The following GALNT13 variants were observed in gnomAD, a reference collection of about 807,000 sequenced individuals.
GALNT13 encodes the protein UDP-GalNAc:polypeptide N-acetylgalactosaminyltransferase 13.
In GALNT13, 28 loss-of-function variants were observed where a neutral mutation model predicts 64.2. The ratio of observed to expected loss-of-function variants is 0.44; its 90% CI spans 0.32 to 0.60. The LOEUF is 0.60. GALNT13 is among the 20% of genes least tolerant of loss of function. The pLI, the probability that GALNT13 is intolerant of heterozygous loss-of-function variation, is 0.05. For synonymous variants in GALNT13, 214 were observed against 224.6 expected, an observed-to-expected ratio of 0.95 and a Z score of 0.42; for missense variants, 577 against 669.8, an observed-to-expected ratio of 0.86 and a Z score of 1.53.
the GALNT13 span, among the ~76,000 whole-genome samples, chr2:153,491,377 T>G: frequency 6.6e-6 from 1 of 152,054 alleles, no homozygotes. Context: ...ATAAAATACT[T>G]AATAGTAAAG....
At chr2:153,127,162 G>A in the GALNT13 span, among the ~76,000 whole-genome samples, 1 of 151,012 alleles carries the variant, frequency 6.6e-6, no homozygotes, top group African/African-American at 2.4e-5. Context: ...ATTTTTTTTT[G>A]TCTTTGCTGG....
chr2:153,087,159 A>G, the GALNT13 span, among the ~76,000 whole-genome samples: 1 of 152,048 alleles, frequency 6.6e-6, no homozygotes, highest in East Asian at 1.9e-4. Flanking sequence ...TGTTTTTTCT[A>G]TGCCAATATT....
chr2:153,753,978 G>T, the GALNT13 span, among the ~76,000 whole-genome samples: 19 of 152,274 alleles, frequency 1.2e-4, no homozygotes, highest in East Asian at 3.7e-3. Flanking sequence ...GAGGAGCCTC[G>T]CCTCATGGCC....
the GALNT13 span, among the ~76,000 whole-genome samples, chr2:153,641,755 GAAAAT>G: frequency 6.6e-6 from 1 of 151,802 alleles, no homozygotes; most frequent in Non-Finnish European, 1.5e-5. Context: ...TTTTCTTTAA[GAAAAT>G]AAAATATTTT....
chr2:153,399,484 G>T, the GALNT13 span, among the ~76,000 whole-genome samples: 2 of 152,034 alleles, frequency 1.3e-5, no homozygotes, highest in African/African-American at 2.4e-5. Flanking sequence ...GCTTGATGGG[G>T]ATGGCATTGA....
the GALNT13 span, among the ~76,000 whole-genome samples, chr2:153,570,059 C>G: frequency 1.3e-5 from 2 of 152,164 alleles, no homozygotes; most frequent in Non-Finnish European, 2.9e-5. Flanking sequence ...TACATTCTTA[C>G]CAACAGTGTG....
chr2:153,857,962 A>C, the GALNT13 span, among the ~76,000 whole-genome samples: 5 of 152,184 alleles, frequency 3.3e-5, no homozygotes, highest in Admixed American at 2.0e-4. Context: ...AAATACATGA[A>C]GATCTATTAT....
chr2:153,619,870 C>A, the GALNT13 span, among the ~76,000 whole-genome samples: 1 of 151,978 alleles, frequency 6.6e-6, no homozygotes, highest in Non-Finnish European at 1.5e-5. Context: ...CTTTTACAAT[C>A]CTTTTTTAAA....
chr2:153,238,884 C>T, the GALNT13 span, among the ~76,000 whole-genome samples: 1 of 152,000 alleles, frequency 6.6e-6, no homozygotes, highest in Non-Finnish European at 1.5e-5. Context: ...TGAAGAATTT[C>T]ATTGGTATTT....
intron 3 of GALNT13, among the ~76,000 whole-genome samples, chr2:154,068,542 G>C (rs1248608269): frequency 1.3e-5 from 2 of 151,658 alleles, no homozygotes; most frequent in Non-Finnish European, 2.9e-5. Context: ...ATAAAAAAAA[G>C]AGTGAGATCC....
chr2:154,352,029 T>G (rs1173086741), intron 9 of GALNT13, among the ~76,000 whole-genome samples: 1 of 152,192 alleles, frequency 6.6e-6, no homozygotes, highest in Admixed American at 6.5e-5. Flanking sequence ...TCATTCATAC[T>G]TTTTCAGTGT....
intron 6 of GALNT13, 119 bp downstream of exon 6, chr2:154,243,024 T>G (rs12477393): frequency 0.23 from 171,673 of 753,020 alleles, 22,420 homozygotes; most frequent in Admixed American, 0.37. Flanking sequence ...TTTATAGCTT[T>G]TCTTAAAAGC....
chr2:153,773,712 A>G, the GALNT13 span, among the ~76,000 whole-genome samples: 1 of 152,184 alleles, frequency 6.6e-6, no homozygotes, highest in African/African-American at 2.4e-5. Context: ...TTTAATAAGA[A>G]TATCTGATAT....
intron 7 of GALNT13, among the ~76,000 whole-genome samples, chr2:154,257,307 T>A (rs2105898594): frequency 6.6e-6 from 1 of 152,260 alleles, no homozygotes; most frequent in South Asian, 2.1e-4. Flanking sequence ...ACTTTATCAG[T>A]AAGTAGATAA....
chr2:153,840,060 T>C, the GALNT13 span, among the ~76,000 whole-genome samples: 2 of 152,254 alleles, frequency 1.3e-5, no homozygotes, highest in East Asian at 3.9e-4. Context: ...TGCCAATTAA[T>C]GTGGGTGGCA....
chr2:154,096,157 T>C (rs1327727818), intron 3 of GALNT13, among the ~76,000 whole-genome samples: 2 of 152,026 alleles, frequency 1.3e-5, no homozygotes, highest in Non-Finnish European at 2.9e-5. Context: ...ATTTGAAGTC[T>C]TCCAGTGGAA....
At chr2:154,340,793 A>T (rs1186072611) in intron 9 of GALNT13, among the ~76,000 whole-genome samples, 1 of 152,144 alleles carries the variant, frequency 6.6e-6, no homozygotes, top group East Asian at 1.9e-4. Flanking sequence ...TCTAATATTG[A>T]ACAACTAATA....
chr2:154,366,247 A>G lies in GALNT13; in HGVS notation c.1157-29744A>G, dbSNP rs77318011. Among the ~76,000 whole-genome samples the G allele has an allele frequency of 1.2e-4, 19 of 152,308 alleles. No homozygotes were observed. In the East Asian group the frequency reaches 3.3e-3, roughly 26 times the overall value. On this transcript the variant is annotated intron_variant, in intron 9 of 12. Coordinates refer to ENST00000392825, the MANE Select transcript of GALNT13 (RefSeq NM_052917.4). ...ATCTGATATTCAGATATTTACATTT[A>G]AAAGGTTCCTGTCTTTTAAAGAGTT...
the GALNT13 span, among the ~76,000 whole-genome samples, chr2:153,534,803 C>A: frequency 3.9e-5 from 6 of 152,022 alleles, no homozygotes; most frequent in Non-Finnish European, 8.8e-5. Context: ...GCCATTTACA[C>A]TTCTTTTGTG....
Sources: allele counts gnomAD v4.1 joint callset (sites outside exome capture counted in the v4.1 genomes callset), GRCh38; gene constraint gnomAD v4.1.1; transcripts MANE v1.5; gene names NCBI Gene and HGNC (gene_info 2026-07-23, HGNC 2026-07-21).